Variants in ASTN2 observed in about 807,000 individuals in gnomAD.
The protein encoded by ASTN2 is astrotactin 2.
Under a neutral mutation model 139.8 loss-of-function variants are expected in ASTN2, and 54 were observed. The observed-to-expected ratio is 0.39, with a 90% CI of 0.31 to 0.48. ASTN2 has a LOEUF of 0.48. Ranked by LOEUF, ASTN2 falls within the 20% of genes least tolerant of loss-of-function variation. ASTN2 has a pLI of 0.95. For synonymous variants in ASTN2, 756 were observed against 719.5 expected (o/e 1.05, Z -0.81); for missense variants, 1,565 against 1,725.1 (o/e 0.91, Z 1.64).
At chr9:117,197,426 G>A (rs1386626163) in intron 3 of ASTN2, 1 of 152,224 alleles carries the variant, frequency 6.6e-6, no homozygotes, top group Non-Finnish European at 1.5e-5. Flanking sequence ...TGATCCAGCA[G>A]TACAGACTTC....
At chr9:116,705,982 CT>C (rs141115853) in intron 16 of ASTN2, among the ~76,000 whole-genome samples, 1 of 151,300 alleles carries the variant, frequency 6.6e-6, no homozygotes, top group Non-Finnish European at 1.5e-5. Context: ...TCAAATGGTT[CT>C]TTTTTTTTCT....
chr9:116,664,638 A>G lies in ASTN2; in HGVS notation c.2807-12845T>C, dbSNP rs575361235. On this transcript the variant is annotated intron_variant, in intron 16 of 22. Transcript: ENST00000313400. ...TTTACATACTTTTTTTTAAAGCACA[A>G]AAGAAAAAAAAAAACAATCTCTACA... Among the ~76,000 whole-genome samples the G allele has an allele frequency of 3.3e-5, 5 of 151,604 alleles. No homozygotes were observed. The East Asian group carries it at 9.6e-4, about 29-fold the overall frequency.
chr9:116,678,985 T>C (rs1588181493), intron 16 of ASTN2, among the ~76,000 whole-genome samples: 1 of 152,336 alleles, frequency 6.6e-6, no homozygotes, highest in East Asian at 1.9e-4. Context: ...TAAAAGATAA[T>C]GAAAGGGTTT....
intron 10 of ASTN2, among the ~76,000 whole-genome samples, chr9:116,964,382 C>T (rs1328894994): frequency 2.0e-5 from 3 of 152,148 alleles, no homozygotes; most frequent in Non-Finnish European, 4.4e-5. Context: ...AATGATTTCT[C>T]ATCTTAGCTT....
intron 1 of ASTN2, among the ~76,000 whole-genome samples, chr9:117,405,834 C>T (rs1830967448): frequency 6.6e-6 from 1 of 152,196 alleles, no homozygotes; most frequent in Non-Finnish European, 1.5e-5. Flanking sequence ...CTGCTCAAGA[C>T]AGAGTCTTCT....
intron 2 of ASTN2, among the ~76,000 whole-genome samples, chr9:117,238,547 T>C (rs10513289): frequency 0.25 from 37,570 of 152,212 alleles, 5,529 homozygotes; most frequent in South Asian, 0.34. Context: ...GCCCAGGCTA[T>C]GGGTGAATCT....
At chr9:116,976,825 C>G in intron 7 of ASTN2, 40 bp from the exon 8 acceptor site, 1 of 1,574,722 alleles carries the variant, frequency 6.4e-7, no homozygotes, top group Non-Finnish European at 8.7e-7. Flanking sequence ...TAAGTAGAGT[C>G]TCCCCAAATA....
At chr9:116,942,655 G>A (rs1007059425) in intron 10 of ASTN2, among the ~76,000 whole-genome samples, 34 of 152,238 alleles carry the variant, frequency 2.2e-4, no homozygotes, top group Admixed American at 1.3e-3. Context: ...GGAACGGATC[G>A]TGAGGGCTTC....
At chr9:116,736,644 A>G (rs1005496825) in intron 13 of ASTN2, among the ~76,000 whole-genome samples, 6 of 152,182 alleles carry the variant, frequency 3.9e-5, no homozygotes, top group Non-Finnish European at 5.9e-5. Flanking sequence ...GCCTCACGCA[A>G]ATGCCACAAA....
chr9:117,193,750 C>A (rs766237328), intron 3 of ASTN2, among the ~76,000 whole-genome samples: 5 of 151,972 alleles, frequency 3.3e-5, no homozygotes, highest in Non-Finnish European at 5.9e-5. Flanking sequence ...CACTTTAAAG[C>A]AGTCTTGCTT....
chr9:117,414,976 G>A lies in ASTN2; in HGVS notation c.-38C>T. The A allele has an allele frequency of 4.8e-6, 1 of 208,184 alleles. No individual in the cohort carries two copies. Among genetic ancestry groups the A allele is most frequent in the Non-Finnish European group, 8.8e-6 (1 of 113,644 alleles). 12.9% of individuals were successfully genotyped at this position (208,184 alleles called of 1,614,324 possible). A position where few individuals can be genotyped will look rare whatever the true frequency, so the allele number is the denominator to read the frequency against. On this transcript the variant is annotated 5_prime_UTR_variant, in exon 1 of 23. Transcript: ENST00000313400. The surrounding 1 kb of genome is among the most constrained non-coding windows in gnomAD (Gnocchi z 4.2). Reference sequence around the variant, plus strand: ...TGCGGTGCTGCGGGCGGCGGCGGCGGTGGCGGCGGTGGCGAAGGAGGAAGA... The same window carrying A: ...TGCGGTGCTGCGGGCGGCGGCGGCGATGGCGGCGGTGGCGAAGGAGGAAGA...
intron 5 of ASTN2, among the ~76,000 whole-genome samples, chr9:117,050,247 G>A (rs16934255): frequency 6.6e-6 from 1 of 151,946 alleles, no homozygotes; most frequent in African/African-American, 2.4e-5. Flanking sequence ...GGACGATCAG[G>A]ACCAGTCACC....
chr9:116,944,101 C>T (rs1014636089), intron 10 of ASTN2, among the ~76,000 whole-genome samples: 2 of 151,876 alleles, frequency 1.3e-5, no homozygotes, highest in South Asian at 2.1e-4. Context: ...TTATAACTAC[C>T]TTATGGGGAA....
At chr9:116,542,077 T>G (rs888398) in intron 19 of ASTN2, among the ~76,000 whole-genome samples, 31,076 of 152,154 alleles carry the variant, frequency 0.2, 3,323 homozygotes, top group Non-Finnish European at 0.23. Flanking sequence ...TTGCTCCTGC[T>G]CCACATACTA....
chr9:116,440,917 C>A, intron 21 of ASTN2, 125 bp from the exon 22 acceptor site: 2 of 923,568 alleles, frequency 2.2e-6, no homozygotes, highest in Non-Finnish European at 3.2e-6. Flanking sequence ...TGGGAGCAGA[C>A]AAACCTTAAT....
intron 7 of ASTN2, among the ~76,000 whole-genome samples, chr9:116,978,047 G>A (rs1246990432): frequency 6.6e-6 from 1 of 152,038 alleles, no homozygotes; most frequent in East Asian, 1.9e-4. Context: ...ATGAGTTACT[G>A]CTTTTTTCTC....
chr9:117,224,977 T>A (rs570469817), intron 2 of ASTN2, among the ~76,000 whole-genome samples: 2 of 152,138 alleles, frequency 1.3e-5, no homozygotes, highest in East Asian at 3.9e-4. Context: ...TTCTTAATCA[T>A]CTCTGTTTTC....
chr9:117,184,571 C>T (rs1376751803), intron 3 of ASTN2, among the ~76,000 whole-genome samples: 1 of 152,080 alleles, frequency 6.6e-6, no homozygotes, highest in Non-Finnish European at 1.5e-5. Flanking sequence ...TGACTGACAC[C>T]CTTTATCTCT....
At chr9:117,131,138 A>G (rs929972058) in intron 4 of ASTN2, among the ~76,000 whole-genome samples, 2 of 152,218 alleles carry the variant, frequency 1.3e-5, no homozygotes, top group Non-Finnish European at 2.9e-5. Context: ...AATAGGGCCT[A>G]TGTGGACCAA....
Sources: gnomAD v4.1 joint callset for allele counts (sites outside exome capture counted in the v4.1 genomes callset) on GRCh38, gnomAD v4.1.1 for gene constraint, Gnocchi (gnomAD v3.1) non-coding constraint, MANE v1.5 for transcripts, NCBI Gene and HGNC (gene_info 2026-07-23, HGNC 2026-07-21) for gene names.